Variants in SAMD4A observed in about 807,000 individuals in gnomAD.
SAMD4A encodes protein Smaug homolog 1.
SAMD4A carries 33 observed loss-of-function variants against 81.3 expected under a neutral mutation model. That is an observed-to-expected ratio of 0.41 (90% confidence interval 0.31 to 0.54). SAMD4A has a LOEUF of 0.54. SAMD4A is among the 20% of genes least tolerant of loss of function. The pLI, the probability that SAMD4A is intolerant of heterozygous loss-of-function variation, is 0.37. For synonymous variants in SAMD4A, 389 were observed against 382.1 expected (o/e 1.02, Z -0.21); for missense variants, 854 against 951.1 (o/e 0.90, Z 1.34).
At chr14:54,733,709 C>CT (rs1169376227) in intron 3 of SAMD4A, among the ~76,000 whole-genome samples, 1 of 152,060 alleles carries the variant, frequency 6.6e-6, no homozygotes, top group African/African-American at 2.4e-5. Context: ...GTCTGCTGCA[C>CT]ATCAGTCTAC....
intron 9 of SAMD4A, 107 bp downstream of exon 9, chr14:54,770,329 C>T (rs890225551): frequency 7.9e-6 from 6 of 755,676 alleles, no homozygotes; most frequent in South Asian, 1.8e-5. Context: ...TCCTTGTTCA[C>T]GAAGATGCCC....
chr14:54,743,321 A>C (rs964923874), intron 4 of SAMD4A, among the ~76,000 whole-genome samples: 1 of 152,168 alleles, frequency 6.6e-6, no homozygotes, highest in South Asian at 2.1e-4. Context: ...TTAATTTCCA[A>C]ATGCCAAGAT....
At chr14:54,645,370 T>C (rs1331408408) in intron 2 of SAMD4A, among the ~76,000 whole-genome samples, 2 of 152,246 alleles carry the variant, frequency 1.3e-5, no homozygotes, top group Admixed American at 6.5e-5. Context: ...TGTTCAGACA[T>C]AACTACTGTT....
At chr14:54,759,331 T>A (rs551772070) in intron 6 of SAMD4A, among the ~76,000 whole-genome samples, 7 of 152,206 alleles carry the variant, frequency 4.6e-5, no homozygotes, top group Non-Finnish European at 1.0e-4. Flanking sequence ...GCCCACCTGC[T>A]CCATCGCAGG....
chr14:54,695,862 A>G (rs1285441622), intron 2 of SAMD4A, among the ~76,000 whole-genome samples: 1 of 150,382 alleles, frequency 6.6e-6, no homozygotes, highest in Non-Finnish European at 1.5e-5. Flanking sequence ...CTGAATCAGG[A>G]GAATCGCTTG....
intron 4 of SAMD4A, among the ~76,000 whole-genome samples, chr14:54,744,376 T>C (rs576187094): frequency 6.6e-6 from 1 of 152,324 alleles, no homozygotes; most frequent in African/African-American, 2.4e-5. Context: ...GCCCTGCTTC[T>C]GTGTGAACTG....
upstream of SAMD4A, among the ~76,000 whole-genome samples, chr14:54,565,721 C>A (rs1415508302): frequency 6.6e-6 from 1 of 152,136 alleles, no homozygotes; most frequent in African/African-American, 2.4e-5. The surrounding 1 kb of genome is among the most constrained non-coding windows in gnomAD (Gnocchi z 5.4). Flanking sequence ...ACCGCCCCCG[C>A]CCGAGCGCCC....
At chr14:54,729,289 A>T (rs191188373) in intron 3 of SAMD4A, among the ~76,000 whole-genome samples, 1 of 152,164 alleles carries the variant, frequency 6.6e-6, no homozygotes, top group East Asian at 1.9e-4. Context: ...TAAACCTCAG[A>T]AGCACTTTCT....
chr14:54,770,013 A>G, intron 8 of SAMD4A, 91 bp from the exon 9 acceptor site: 3 of 803,312 alleles, frequency 3.7e-6, no homozygotes, highest in Non-Finnish European at 6.3e-6. Flanking sequence ...GCAACTGCAG[A>G]GACTCCAATG....
chr14:54,617,454 A>AAGG (rs10673020), intron 2 of SAMD4A, among the ~76,000 whole-genome samples: 111,522 of 151,606 alleles, frequency 0.74, 41,128 homozygotes, highest in East Asian at 0.85. Flanking sequence ...AAGAATCTGT[A>AAGG]AGGAGAGAAT....
At chr14:54,571,303 A>G (rs78341961) in intron 2 of SAMD4A, among the ~76,000 whole-genome samples, 9,152 of 152,256 alleles carry the variant, frequency 0.06, 368 homozygotes, top group Non-Finnish European at 0.093. Flanking sequence ...AGATATGGTC[A>G]TGATCAGTTC....
chr14:54,738,763 A>T (rs1250140095), intron 4 of SAMD4A, among the ~76,000 whole-genome samples: 1 of 152,220 alleles, frequency 6.6e-6, no homozygotes, highest in Non-Finnish European at 1.5e-5. Context: ...GGCATCTGTC[A>T]ATCGGCATCA....
chr14:54,649,396 T>C (rs1287401070), intron 2 of SAMD4A, among the ~76,000 whole-genome samples: 1 of 152,188 alleles, frequency 6.6e-6, no homozygotes, highest in Non-Finnish European at 1.5e-5. Context: ...AACACGCCAT[T>C]CTGCTTATAC....
chr14:54,745,237 A>G (rs116368939), intron 4 of SAMD4A, among the ~76,000 whole-genome samples: 129 of 152,296 alleles, frequency 8.5e-4, no homozygotes, highest in African/African-American at 3.0e-3. Flanking sequence ...CACCACCCAC[A>G]AGATGAAGTC....
chr14:54,591,547 T>G (rs184307924), intron 2 of SAMD4A, among the ~76,000 whole-genome samples: 1 of 151,870 alleles, frequency 6.6e-6, no homozygotes, highest in Non-Finnish European at 1.5e-5. Context: ...TTTTGTTTTG[T>G]TTTTTTTGAG....
At chr14:54,717,765 T>C (rs1407792855) in intron 3 of SAMD4A, among the ~76,000 whole-genome samples, 14 of 152,160 alleles carry the variant, frequency 9.2e-5, no homozygotes, top group African/African-American at 2.9e-4. Flanking sequence ...AAAGTGGATC[T>C]GAACTACAGA....
At chr14:54,714,861 C>A (rs1404644619) in intron 3 of SAMD4A, among the ~76,000 whole-genome samples, 1 of 152,080 alleles carries the variant, frequency 6.6e-6, no homozygotes, top group Non-Finnish European at 1.5e-5. Flanking sequence ...AAATTGAAAT[C>A]AAGATACTTT....
intron 6 of SAMD4A, among the ~76,000 whole-genome samples, chr14:54,756,183 C>G (rs992559381): frequency 6.6e-6 from 1 of 152,164 alleles, no homozygotes; most frequent in African/African-American, 2.4e-5. Flanking sequence ...AAATGTTTCA[C>G]CCCTATCGGT....
At chr14:54,685,728 A>G (rs1031000299) in intron 2 of SAMD4A, 6 of 456,584 alleles carry the variant, frequency 1.3e-5, no homozygotes, top group Non-Finnish European at 2.6e-5. Context: ...GTGTGGTAAG[A>G]ACACTTACAA....
Sources: gnomAD v4.1 joint callset for allele counts (sites outside exome capture counted in the v4.1 genomes callset) on GRCh38, gnomAD v4.1.1 for gene constraint, Gnocchi (gnomAD v3.1) non-coding constraint, MANE v1.5 for transcripts, NCBI Gene and HGNC (gene_info 2026-07-23, HGNC 2026-07-21) for gene names.